The following PDE4D variants were observed in gnomAD, a reference collection of about 807,000 sequenced individuals.
The protein encoded by PDE4D is phosphodiesterase 4D.
In PDE4D, 24 loss-of-function variants were observed where a neutral mutation model predicts 87.4. The observed-to-expected ratio is 0.27, with a 90% confidence interval of 0.20 to 0.39. The LOEUF is 0.39. Ranked by LOEUF, PDE4D falls within the 10% of genes least tolerant of loss-of-function variation. The probability of loss-of-function intolerance (pLI) is 1.00; values close to 1 mark genes in which losing one functional copy is unlikely to be tolerated. For missense variants in PDE4D, 714 were observed against 1,041.0 expected, an observed-to-expected ratio of 0.69 and a Z score of 4.32; for synonymous variants, 384 against 383.2, an observed-to-expected ratio of 1.00 and a Z score of -0.02.
chr5:60,459,954 C>G, intron 1 of PDE4D: 1 of 752,102 alleles, frequency 1.3e-6, no homozygotes, highest in Non-Finnish European at 2.4e-6. Context: ...ATCCTTCCTC[C>G]TCTTCATCAT....
chr5:60,104,697 C>T (rs984850847), intron 2 of PDE4D, among the ~76,000 whole-genome samples: 3 of 152,290 alleles, frequency 2.0e-5, no homozygotes, highest in East Asian at 1.9e-4. Flanking sequence ...GCATCATTTG[C>T]GGTTCACGAA....
chr5:58,998,774 A>G (rs1053806424), intron 6 of PDE4D, among the ~76,000 whole-genome samples: 2 of 152,148 alleles, frequency 1.3e-5, no homozygotes, highest in African/African-American at 4.8e-5. Flanking sequence ...AAATCTGTGA[A>G]GTGATGTTTC....
At chr5:59,199,933 T>C (rs1265718213) in intron 2 of PDE4D, among the ~76,000 whole-genome samples, 1 of 151,734 alleles carries the variant, frequency 6.6e-6, no homozygotes, top group Non-Finnish European at 1.5e-5. Context: ...CACAGGCACA[T>C]ATATACATAT....
Position 59,893,251 on chromosome 5 carries a change from G to C in PDE4D, c.372C>G (p.Thr124=), listed in dbSNP as rs1346701178. The C allele has an allele frequency of 3.2e-6, 5 of 1,554,762 alleles. No individual in the cohort carries two copies. Among genetic ancestry groups the C allele is most frequent in the Non-Finnish European group, 4.4e-6 (5 of 1,149,016 alleles). ...GGTGGCCGGTCTCCACCGCGTAGGA[G>C]GTGCGGTCCATGGCGCGACAGTACA... ...RYLYCRAMDR[T]SYAVETGHRP... Residue 124 remains threonine (T), a synonymous_variant, in exon 1 of 15, where the codon ACC becomes ACG. Coordinates refer to ENST00000340635, the MANE Select transcript of PDE4D (RefSeq NM_001104631.2).
intron 1 of PDE4D, among the ~76,000 whole-genome samples, chr5:59,678,670 G>C (rs1748513869): frequency 6.6e-6 from 1 of 152,152 alleles, no homozygotes; most frequent in South Asian, 2.1e-4. Context: ...TCACCATGTT[G>C]GTCAGGCTGG....
intron 1 of PDE4D, among the ~76,000 whole-genome samples, chr5:59,868,598 C>T (rs983518094): frequency 1.3e-4 from 20 of 152,128 alleles, no homozygotes; most frequent in Admixed American, 1.3e-4. Flanking sequence ...AAAAAGATCA[C>T]TTTCTTTAGC....
intron 1 of PDE4D, among the ~76,000 whole-genome samples, chr5:59,577,662 A>T (rs1823396434): frequency 6.6e-6 from 1 of 152,250 alleles, no homozygotes; most frequent in Admixed American, 6.5e-5. Flanking sequence ...CCACAGCAAA[A>T]ATTCTACAAA....
At chr5:59,090,128 G>A (rs952033018) in intron 5 of PDE4D, among the ~76,000 whole-genome samples, 1 of 152,114 alleles carries the variant, frequency 6.6e-6, no homozygotes, top group Non-Finnish European at 1.5e-5. Flanking sequence ...GGAATTTCTG[G>A]AAGGAATAAA....
intron 2 of PDE4D, among the ~76,000 whole-genome samples, chr5:60,165,017 C>A (rs911958580): frequency 2.0e-5 from 3 of 152,046 alleles, no homozygotes; most frequent in African/African-American, 7.2e-5. Flanking sequence ...AATTTTGTAT[C>A]CTTTGACCAT....
intron 2 of PDE4D, among the ~76,000 whole-genome samples, chr5:60,018,195 T>TAA: frequency 7.0e-6 from 1 of 142,764 alleles, no homozygotes; most frequent in Non-Finnish European, 1.5e-5. Context: ...TCAACATTCT[T>TAA]AAAAAAAAAA....
intron 1 of PDE4D, among the ~76,000 whole-genome samples, chr5:59,313,321 A>G (rs981602592): frequency 1.3e-5 from 2 of 152,048 alleles, no homozygotes; most frequent in Non-Finnish European, 2.9e-5. Context: ...ACTAATTACT[A>G]TTCTCCCACT....
intron 1 of PDE4D, among the ~76,000 whole-genome samples, chr5:59,837,650 G>A (rs1445269808): frequency 6.6e-6 from 1 of 152,024 alleles, no homozygotes; most frequent in Non-Finnish European, 1.5e-5. Flanking sequence ...AGACAACTGA[G>A]TGTTTAACAT....
chr5:59,787,808 A>G (rs1265841795), intron 1 of PDE4D, among the ~76,000 whole-genome samples: 5 of 152,346 alleles, frequency 3.3e-5, no homozygotes, highest in Admixed American at 1.3e-4. Context: ...GCATCTCACT[A>G]CAACGACCTT....
At chr5:59,230,113 A>T (rs1754833473) in intron 1 of PDE4D, among the ~76,000 whole-genome samples, 1 of 152,118 alleles carries the variant, frequency 6.6e-6, no homozygotes, top group Non-Finnish European at 1.5e-5. Context: ...TAAGAGATAA[A>T]TTGTTATTAG....
intron 1 of PDE4D, among the ~76,000 whole-genome samples, chr5:59,612,856 G>C (rs1017644935): frequency 1.3e-5 from 2 of 152,136 alleles, no homozygotes; most frequent in Non-Finnish European, 2.9e-5. Flanking sequence ...ATAGTTGTGG[G>C]AATGGAAGGA....
chr5:59,887,472 A>T (rs1750336391), intron 1 of PDE4D, among the ~76,000 whole-genome samples: 1 of 152,218 alleles, frequency 6.6e-6, no homozygotes, highest in East Asian at 1.9e-4. Context: ...GTTATGAGCC[A>T]GTACTAGCAG....
chr5:60,400,141 T>G (rs991968321), intron 1 of PDE4D, among the ~76,000 whole-genome samples: 2 of 152,198 alleles, frequency 1.3e-5, no homozygotes, highest in Non-Finnish European at 2.9e-5. Context: ...CATCACAAAG[T>G]GACCACTGCC....
intron 1 of PDE4D, among the ~76,000 whole-genome samples, chr5:60,294,185 T>C (rs1479738020): frequency 1.3e-5 from 2 of 152,202 alleles, no homozygotes; most frequent in South Asian, 2.1e-4. Context: ...AGCCTAAAGA[T>C]GTGGAGCACT....
At chr5:59,488,144 ATCT>A (rs1805483867) in intron 1 of PDE4D, among the ~76,000 whole-genome samples, 1 of 146,752 alleles carries the variant, frequency 6.8e-6, no homozygotes, top group African/African-American at 2.6e-5. Flanking sequence ...TCCCAGATAA[ATCT>A]TCTGACATCA....
Sources: gnomAD v4.1 joint callset for allele counts (sites outside exome capture counted in the v4.1 genomes callset) on GRCh38, gnomAD v4.1.1 for gene constraint, MANE v1.5 for transcripts, NCBI Gene and HGNC (gene_info 2026-07-23, HGNC 2026-07-21) for gene names.